RUNX1T1: variants seen among roughly 807,000 people sequenced by gnomAD.
RUNX1T1 encodes the protein RUNX1 partner transcriptional co-repressor 1.
In RUNX1T1, 4 loss-of-function variants were observed where a neutral mutation model predicts 62.8. The observed-to-expected ratio is 0.06, with a 90% confidence interval of 0.03 to 0.15. RUNX1T1 has a LOEUF of 0.15. Ranked by LOEUF, RUNX1T1 falls within the 10% of genes least tolerant of loss-of-function variation. The probability of loss-of-function intolerance (pLI) is 1.00; values close to 1 mark genes in which losing one functional copy is unlikely to be tolerated. For missense variants in RUNX1T1, 508 were observed against 754.3 expected (o/e 0.67, Z 3.82); for synonymous variants, 291 against 286.0 (o/e 1.02, Z -0.18).
At chr8:92,079,717 G>A (rs1379520595) in intron 1 of RUNX1T1, among the ~76,000 whole-genome samples, 1 of 151,932 alleles carries the variant, frequency 6.6e-6, no homozygotes, top group South Asian at 2.1e-4. Context: ...TCACATACAA[G>A]ACCCTCCATC....
At chr8:92,012,766 AT>A (rs1323753373) in intron 3 of RUNX1T1, among the ~76,000 whole-genome samples, 1 of 151,582 alleles carries the variant, frequency 6.6e-6, no homozygotes, top group African/African-American at 2.4e-5. Flanking sequence ...AAAAAAAAAA[AT>A]CACTCTCTCA....
chr8:92,095,532 T>C, intron 1 of RUNX1T1: 1 of 1,491,060 alleles, frequency 6.7e-7, no homozygotes, highest in South Asian at 1.3e-5. Flanking sequence ...TCAGGGTGAT[T>C]ACAATATCAG....
At chr8:92,015,494 G>A (rs2131147769) in intron 2 of RUNX1T1, among the ~76,000 whole-genome samples, 1 of 152,250 alleles carries the variant, frequency 6.6e-6, no homozygotes, top group African/African-American at 2.4e-5. Context: ...AGCATGGAGT[G>A]GTGATAATTC....
At chr8:92,004,147 C>T (rs980872472) in intron 5 of RUNX1T1, among the ~76,000 whole-genome samples, 1 of 152,210 alleles carries the variant, frequency 6.6e-6, no homozygotes, top group African/African-American at 2.4e-5. Context: ...AGATCTTAAG[C>T]TCCTATGAAT....
At chr8:92,096,355 C>A (rs1349884409) in intron 1 of RUNX1T1, among the ~76,000 whole-genome samples, 1 of 152,180 alleles carries the variant, frequency 6.6e-6, no homozygotes, top group Non-Finnish European at 1.5e-5. Context: ...TGGCTCTTCA[C>A]CCACCCAGAG....
At chr8:92,062,756 G>A (rs1355536088) in exon 1 of RUNX1T1, 13 of 1,543,356 alleles carry the variant, frequency 8.4e-6, no homozygotes, top group Non-Finnish European at 1.0e-5. Flanking sequence ...GATTGCACTT[G>A]GAGCAGAAAT....
intron 7 of RUNX1T1, among the ~76,000 whole-genome samples, chr8:91,986,575 T>C (rs866337164): frequency 2.6e-5 from 4 of 152,296 alleles, no homozygotes; most frequent in South Asian, 2.1e-4. Flanking sequence ...TTATAGCCAG[T>C]AAATCCACCT....
intron 1 of RUNX1T1, among the ~76,000 whole-genome samples, chr8:92,077,745 C>A (rs1477734025): frequency 6.6e-6 from 1 of 152,060 alleles, no homozygotes; most frequent in African/African-American, 2.4e-5. Flanking sequence ...ATAATCTCTA[C>A]TGAGCAAACG....
In RUNX1T1 at chr8:91,975,991, A is replaced by AG; in HGVS notation, c.1199-19dup. On this transcript the variant is annotated intron_variant, in intron 8 of 10. Coordinates refer to ENST00000396218, the Ensembl canonical transcript of RUNX1T1. ...ATGCGCGTCTATGAAAAGGATGGGAAGGGGGTGGAGAGAGGAGGAGAGTAC... is the reference window on the plus strand; with the variant it reads ...ATGCGCGTCTATGAAAAGGATGGGAAGGGGGGTGGAGAGAGGAGGAGAGTAC... The AG allele has an allele frequency of 6.3e-7, 1 of 1,592,686 alleles. No individual in the cohort carries two copies. The highest frequency in any genetic ancestry group is 8.6e-7 in the Non-Finnish European group (1 of 1,160,504).
exon 11 of RUNX1T1, chr8:91,960,242 C>G (rs901250728): frequency 1.2e-6 from 2 of 1,607,304 alleles, no homozygotes; most frequent in African/African-American, 2.7e-5. Context: ...GAGTTCACGT[C>G]TAGCGAGGGG....
intron 1 of RUNX1T1, among the ~76,000 whole-genome samples, chr8:92,041,216 G>T (rs1828381672): frequency 6.8e-6 from 1 of 146,090 alleles, no homozygotes; most frequent in South Asian, 2.1e-4. Context: ...CAAATGAACA[G>T]CATGCAAAGC....
intron 5 of RUNX1T1, among the ~76,000 whole-genome samples, chr8:91,998,893 T>TA (rs202133342): frequency 1.6e-3 from 239 of 151,852 alleles, no homozygotes; most frequent in Non-Finnish European, 2.9e-3. Flanking sequence ...ATTTTTTAAC[T>TA]AAACAAAAAA....
At chr8:92,008,981 T>C (rs1310638789) in intron 4 of RUNX1T1, among the ~76,000 whole-genome samples, 3 of 152,206 alleles carry the variant, frequency 2.0e-5, no homozygotes, top group Non-Finnish European at 2.9e-5. Context: ...ATCTTATCTG[T>C]GTTTTGGTAG....
intron 1 of RUNX1T1, among the ~76,000 whole-genome samples, chr8:92,088,723 C>T (rs548160835): frequency 6.6e-6 from 1 of 152,290 alleles, no homozygotes; most frequent in East Asian, 1.9e-4. Flanking sequence ...GTTCTCTCTC[C>T]TAGTGCTCTA....
chr8:92,003,512 G>A (rs1820161113), intron 5 of RUNX1T1: 2 of 404,096 alleles, frequency 4.9e-6, no homozygotes, highest in Non-Finnish European at 9.9e-6. Flanking sequence ...ATTTATCTTA[G>A]CTATCTAAAT....
chr8:92,103,042 G>T, upstream of RUNX1T1: 1 of 665,570 alleles, frequency 1.5e-6, no homozygotes, highest in Non-Finnish European at 2.2e-6. Flanking sequence ...GTCGCGCCGC[G>T]GAGCGACTAC....
chr8:92,073,490 G>A (rs767285443), intron 2 of RUNX1T1, among the ~76,000 whole-genome samples: 40 of 152,094 alleles, frequency 2.6e-4, no homozygotes, highest in Non-Finnish European at 4.1e-4. Flanking sequence ...TCACAATGCC[G>A]ACTGTTCAGC....
chr8:92,068,369 G>A (rs1483870850), intron 2 of RUNX1T1, among the ~76,000 whole-genome samples: 2 of 152,028 alleles, frequency 1.3e-5, no homozygotes, highest in Non-Finnish European at 2.9e-5. Flanking sequence ...AAAACGCAAG[G>A]GTGATGGCAT....
chr8:91,991,625 T>G lies in RUNX1T1; in HGVS notation c.910+14A>C, dbSNP rs1420172600. 3.1e-6 allele frequency: 5 copies of G among 1,609,254 alleles called. No individual in the cohort carries two copies. Among genetic ancestry groups the G allele is most frequent in the Non-Finnish European group, 4.3e-6 (5 of 1,176,284 alleles). Reference sequence around the variant, plus strand: ...CCCAATCCCGTAAGAAGTGAACAGGTCCTTCAGTCTTACCCATAGGTCTGT... The same window carrying G: ...CCCAATCCCGTAAGAAGTGAACAGGGCCTTCAGTCTTACCCATAGGTCTGT... On this transcript the variant is annotated intron_variant, in intron 6 of 10. Transcript: ENST00000396218.
Sources: allele counts gnomAD v4.1 joint callset (sites outside exome capture counted in the v4.1 genomes callset), GRCh38; gene constraint gnomAD v4.1.1; transcripts MANE v1.5; gene names NCBI Gene and HGNC (gene_info 2026-07-23, HGNC 2026-07-21).